Variants in ADAMTS12 observed in about 807,000 individuals in gnomAD.
ADAMTS12 encodes the protein ADAM metallopeptidase with thrombospondin type 1 motif 12.
A neutral mutation model predicts 167.8 loss-of-function variants in ADAMTS12; 118 were observed. The ratio of observed to expected loss-of-function variants is 0.70; its 90% CI spans 0.61 to 0.82. ADAMTS12 has a LOEUF of 0.82. ADAMTS12 is among the 40% of genes least tolerant of loss of function. ADAMTS12 has a pLI of 0.00. For synonymous variants in ADAMTS12, 704 were observed against 716.9 expected (o/e 0.98, Z 0.29); for missense variants, 1,916 against 1,998.8 (o/e 0.96, Z 0.79).
At chr5:33,793,030 C>T (rs1352059136) in intron 2 of ADAMTS12, among the ~76,000 whole-genome samples, 1 of 152,228 alleles carries the variant, frequency 6.6e-6, no homozygotes. Context: ...GGCTTAGTGT[C>T]CATGAATTTG....
chr5:33,717,583 T>C (rs769852508), intron 3 of ADAMTS12, among the ~76,000 whole-genome samples: 7 of 152,126 alleles, frequency 4.6e-5, no homozygotes, highest in Non-Finnish European at 8.8e-5. Context: ...CATGGCACCA[T>C]ATGTCTCTTT....
chr5:33,831,052 A>G (rs370612233), intron 2 of ADAMTS12, among the ~76,000 whole-genome samples: 1 of 152,148 alleles, frequency 6.6e-6, no homozygotes, highest in East Asian at 1.9e-4. Context: ...TAATTTATGG[A>G]GAACACACAC....
In ADAMTS12 at chr5:33,592,043, A is replaced by C. The variant is rs1747669480; in HGVS notation, c.2655-3234T>G. On this transcript the variant is annotated intron_variant, in intron 17 of 23. Transcript: ENST00000504830. ...CGAGACCAGCCTGACCAAAATGGAG[A>C]AACCCCGTCTCTACTAAAAAAAAAA... Among the ~76,000 whole-genome samples, 3 of 151,932 alleles carry C rather than the reference A, an allele frequency of 2.0e-5. No homozygotes were observed. The South Asian group carries it at 6.2e-4, about 32-fold the overall frequency.
At chr5:33,737,473 G>A (rs185206060) in intron 3 of ADAMTS12, among the ~76,000 whole-genome samples, 1 of 152,282 alleles carries the variant, frequency 6.6e-6, no homozygotes, top group Admixed American at 6.5e-5. Flanking sequence ...AGTTTAATAA[G>A]TAAAAAGAAT....
chr5:33,581,651 G>T (rs1351077134), intron 18 of ADAMTS12, among the ~76,000 whole-genome samples: 1 of 152,160 alleles, frequency 6.6e-6, no homozygotes, highest in Non-Finnish European at 1.5e-5. Flanking sequence ...ACAAACACCA[G>T]CTTTGAAAGC....
At chr5:33,545,923 A>T in intron 22 of ADAMTS12, 136 bp downstream of exon 22, 1 of 1,015,672 alleles carries the variant, frequency 9.8e-7, no homozygotes, top group Non-Finnish European at 1.4e-6. Context: ...TGATGAGTTG[A>T]TGGGTGCAGC....
At chr5:33,741,215 C>T (rs1561246049) in intron 3 of ADAMTS12, among the ~76,000 whole-genome samples, 1 of 152,320 alleles carries the variant, frequency 6.6e-6, no homozygotes, top group East Asian at 1.9e-4. Flanking sequence ...GCTGCCATGA[C>T]AAAGTGCCAC....
intron 14 of ADAMTS12, among the ~76,000 whole-genome samples, chr5:33,621,181 T>C (rs1021303676): frequency 6.6e-6 from 1 of 151,974 alleles, no homozygotes; most frequent in Non-Finnish European, 1.5e-5. Context: ...GGGTGGATCA[T>C]GAGGTCAGGA....
chr5:33,611,580 G>A (rs1738731506), intron 16 of ADAMTS12, among the ~76,000 whole-genome samples: 1 of 152,070 alleles, frequency 6.6e-6, no homozygotes, highest in Non-Finnish European at 1.5e-5. Flanking sequence ...TGGTAATTTG[G>A]TATAAGTCAA....
chr5:33,757,066 T>A (rs945483421), intron 2 of ADAMTS12, among the ~76,000 whole-genome samples: 3 of 152,146 alleles, frequency 2.0e-5, no homozygotes, highest in Non-Finnish European at 4.4e-5. Flanking sequence ...TTTGTAAAGA[T>A]TGGCCAAGTA....
intron 2 of ADAMTS12, among the ~76,000 whole-genome samples, chr5:33,870,852 G>A (rs552199855): frequency 1.3e-5 from 2 of 152,226 alleles, no homozygotes; most frequent in African/African-American, 2.4e-5. Flanking sequence ...TATATAAGAT[G>A]TGCCTCCTTC....
chr5:33,668,825 C>T (rs756515366), intron 5 of ADAMTS12, among the ~76,000 whole-genome samples: 1 of 152,236 alleles, frequency 6.6e-6, no homozygotes, highest in East Asian at 1.9e-4. Flanking sequence ...TTTTTTCCTC[C>T]CTCTTACCCT....
At chr5:33,777,349 C>T (rs1015053233) in intron 2 of ADAMTS12, among the ~76,000 whole-genome samples, 2 of 151,996 alleles carry the variant, frequency 1.3e-5, no homozygotes, top group African/African-American at 4.8e-5. Context: ...TAGGATTTAT[C>T]CCTGAGATGC....
chr5:33,584,732 G>A (rs949255872), intron 18 of ADAMTS12, among the ~76,000 whole-genome samples: 1 of 152,104 alleles, frequency 6.6e-6, no homozygotes, highest in Non-Finnish European at 1.5e-5. Flanking sequence ...ACTGGCTCAA[G>A]GCCACACAAT....
chr5:33,869,464 C>G (rs1273896303), intron 2 of ADAMTS12, among the ~76,000 whole-genome samples: 1 of 152,022 alleles, frequency 6.6e-6, no homozygotes, highest in African/African-American at 2.4e-5. Flanking sequence ...GTGGCTGGAA[C>G]CCTACACAGG....
At chr5:33,789,325 C>T (rs1746442839) in intron 2 of ADAMTS12, among the ~76,000 whole-genome samples, 1 of 152,226 alleles carries the variant, frequency 6.6e-6, no homozygotes, top group Non-Finnish European at 1.5e-5. Context: ...ACTCCAGCAG[C>T]AGATGCTGCC....
chr5:33,874,939 G>A (rs541813813), intron 2 of ADAMTS12, among the ~76,000 whole-genome samples: 14 of 152,214 alleles, frequency 9.2e-5, no homozygotes, highest in African/African-American at 1.7e-4. Flanking sequence ...ATTGTGGCAC[G>A]TGCCTATAAT....
chr5:33,782,371 TAA>T (rs1231621525), intron 2 of ADAMTS12, among the ~76,000 whole-genome samples: 1 of 151,490 alleles, frequency 6.6e-6, no homozygotes, highest in Non-Finnish European at 1.5e-5. Context: ...AGCAAGGCAG[TAA>T]AAGAGAAACA....
rs137953334 is a variant in ADAMTS12, at chr5:33,539,937, G to A, written c.4447-4945C>T. Reference sequence around the variant, plus strand: ...ACTGAGGTACCTGGTTCATCTCACTGGGACTGGTTGGACAGTGGGTGCAGC... The same window carrying A: ...ACTGAGGTACCTGGTTCATCTCACTAGGACTGGTTGGACAGTGGGTGCAGC... On this transcript the variant is annotated intron_variant, in intron 22 of 23. Coordinates refer to ENST00000504830, the MANE Select transcript of ADAMTS12 (RefSeq NM_030955.4). Among the ~76,000 whole-genome samples, 9 of 152,284 alleles carry A rather than the reference G, an allele frequency of 5.9e-5. No individual in the cohort carries two copies. In the East Asian group the frequency reaches 1.7e-3, roughly 29 times the overall value.
Sources: allele counts gnomAD v4.1 joint callset (sites outside exome capture counted in the v4.1 genomes callset), GRCh38; gene constraint gnomAD v4.1.1; transcripts MANE v1.5; gene names NCBI Gene and HGNC (gene_info 2026-07-23, HGNC 2026-07-21).